TESK2: variants seen among roughly 807,000 people sequenced by gnomAD.
The protein encoded by TESK2 is dual specificity testis-specific protein kinase 2.
TESK2 carries 39 observed loss-of-function variants against 57.1 expected under a neutral mutation model. The ratio of observed to expected loss-of-function variants is 0.68; its 90% confidence interval spans 0.53 to 0.89. The LOEUF (loss-of-function observed/expected upper bound fraction) is 0.89. Ranked by LOEUF, TESK2 falls within the 40% of genes least tolerant of loss-of-function variation. TESK2 has a pLI of 0.00. For missense variants in TESK2, 646 were observed against 732.1 expected (o/e 0.88, Z 1.36); for synonymous variants, 249 against 267.9 (o/e 0.93, Z 0.69).
intron 4 of TESK2, among the ~76,000 whole-genome samples, chr1:45,355,978 A>G (rs1647404648): frequency 6.6e-6 from 1 of 152,220 alleles, no homozygotes; most frequent in Admixed American, 6.5e-5. Context: ...TCCTGTCTAT[A>G]GGAAACAAAA....
intron 3 of TESK2, among the ~76,000 whole-genome samples, chr1:45,403,140 T>A (rs1280232393): frequency 1.0e-4 from 15 of 148,022 alleles, no homozygotes; most frequent in Non-Finnish European, 1.9e-4. Context: ...AAAAATTAGC[T>A]GGGTGTGGGG....
At chr1:45,393,738 C>CAAAA (rs34270037) in intron 3 of TESK2, among the ~76,000 whole-genome samples, 7 of 88,412 alleles carry the variant, frequency 7.9e-5, no homozygotes, top group Admixed American at 3.4e-4. Context: ...GACTCCGTCT[C>CAAAA]AAAAAAAAAA....
chr1:45,457,966 C>T, intron 1 of TESK2, 95 bp from the exon 2 acceptor site: 2 of 573,988 alleles, frequency 3.5e-6, no homozygotes, highest in Middle Eastern at 4.7e-4. Context: ...CTTTCACATT[C>T]TAGTTCCTGG....
intron 4 of TESK2, among the ~76,000 whole-genome samples, chr1:45,356,566 G>GT (rs977162347): frequency 3.9e-4 from 57 of 147,252 alleles, no homozygotes; most frequent in African/African-American, 1.4e-3. Flanking sequence ...AGTGAGCTAA[G>GT]ATCATGCCAA....
intron 2 of TESK2, among the ~76,000 whole-genome samples, chr1:45,438,317 GA>G (rs1252203935): frequency 6.6e-6 from 1 of 152,078 alleles, no homozygotes; most frequent in Non-Finnish European, 1.5e-5. Context: ...CCAACATGGT[GA>G]AACCCCATCT....
intron 6 of TESK2, 98 bp downstream of exon 6, chr1:45,347,820 G>T: frequency 1.4e-6 from 2 of 1,431,348 alleles, no homozygotes; most frequent in Non-Finnish European, 2.0e-6. Context: ...CTGAGGTTGA[G>T]CTGTGACCAA....
chr1:45,403,661 A>C (rs963228374), intron 3 of TESK2, among the ~76,000 whole-genome samples: 1 of 152,188 alleles, frequency 6.6e-6, no homozygotes, highest in Non-Finnish European at 1.5e-5. Flanking sequence ...GTCCAATTTT[A>C]CTTTTTTGGG....
intron 4 of TESK2, among the ~76,000 whole-genome samples, chr1:45,371,173 C>T (rs1648162686): frequency 6.6e-6 from 1 of 151,488 alleles, no homozygotes; most frequent in Admixed American, 6.6e-5. Flanking sequence ...AATGGTGCAA[C>T]TGCTACAGAA....
At chr1:45,437,807 C>G (rs1462041603) in intron 2 of TESK2, among the ~76,000 whole-genome samples, 1 of 152,132 alleles carries the variant, frequency 6.6e-6, no homozygotes, top group South Asian at 2.1e-4. Flanking sequence ...GTTACCTTAA[C>G]TCTGACTACC....
At chr1:45,419,791 A>G (rs569515520) in intron 3 of TESK2, among the ~76,000 whole-genome samples, 1 of 152,258 alleles carries the variant, frequency 6.6e-6, no homozygotes, top group South Asian at 2.1e-4. Flanking sequence ...GGGCGACAAG[A>G]GTGAAACTCC....
chr1:45,398,532 G>A (rs1649454802), intron 3 of TESK2, among the ~76,000 whole-genome samples: 2 of 152,060 alleles, frequency 1.3e-5, no homozygotes, highest in Non-Finnish European at 2.9e-5. Flanking sequence ...GGGTGACAGA[G>A]CAAGCCTCCG....
chr1:45,343,914 G>A lies in TESK2; in HGVS notation c.*926C>T. Reference sequence around the variant, plus strand: ...TAACACTGACTTTATTTTTAAGTCTGAAAATGTCTTGGGAAAGTTTTACAA... The same window carrying A: ...TAACACTGACTTTATTTTTAAGTCTAAAAATGTCTTGGGAAAGTTTTACAA... On this transcript the variant is annotated 3_prime_UTR_variant, in exon 11 of 11. Transcript: ENST00000372086. This position sits in a 1 kb window ranked among gnomAD's most constrained non-coding sequence, Gnocchi z 4.3. 2.2e-6 allele frequency: 1 copy of A among 444,468 alleles called. No individual in the cohort carries two copies. The highest frequency in any genetic ancestry group is 3.8e-5 in the Admixed American group (1 of 26,068). The allele number at this position is 444,468 out of a possible 1,614,324, so 27.5% of individuals were successfully genotyped here.
chr1:45,398,140 C>T (rs1414574683), intron 3 of TESK2, among the ~76,000 whole-genome samples: 1 of 152,124 alleles, frequency 6.6e-6, no homozygotes, highest in Non-Finnish European at 1.5e-5. Flanking sequence ...AACTCCTGGC[C>T]TCAAGCAATT....
chr1:45,450,757 A>C (rs569184728), intron 2 of TESK2, among the ~76,000 whole-genome samples: 3 of 147,586 alleles, frequency 2.0e-5, no homozygotes, highest in East Asian at 1.9e-4. Context: ...TTATTTATTT[A>C]TTTCTTTTTC....
intron 4 of TESK2, among the ~76,000 whole-genome samples, chr1:45,355,841 T>C (rs1647396026): frequency 6.6e-6 from 1 of 152,144 alleles, no homozygotes; most frequent in African/African-American, 2.4e-5. Context: ...GGGAGCAGCA[T>C]ATGCAAAGTT....
At chr1:45,458,629 C>T (rs980386288) in intron 1 of TESK2, among the ~76,000 whole-genome samples, 1 of 151,552 alleles carries the variant, frequency 6.6e-6, no homozygotes, top group African/African-American at 2.4e-5. Context: ...TTCTTTCTAC[C>T]AATCAATACC....
chr1:45,391,095 T>TTAA (rs1649119525), intron 3 of TESK2, among the ~76,000 whole-genome samples: 1 of 151,968 alleles, frequency 6.6e-6, no homozygotes, highest in Admixed American at 6.6e-5. Flanking sequence ...TTTTTGTATT[T>TTAA]TTAGTAGAGA....
chr1:45,427,068 C>T (rs1220434084), intron 2 of TESK2, among the ~76,000 whole-genome samples: 1 of 151,946 alleles, frequency 6.6e-6, no homozygotes, highest in Non-Finnish European at 1.5e-5. Context: ...CATGGTAAAA[C>T]CCCGTCTCCA....
At chr1:45,385,851 T>A in intron 4 of TESK2, 61 bp downstream of exon 4, 1 of 1,270,014 alleles carries the variant, frequency 7.9e-7, no homozygotes, top group Non-Finnish European at 1.1e-6. Context: ...ACACTTACTA[T>A]GGAACTATAA....
Sources: allele counts gnomAD v4.1 joint callset (sites outside exome capture counted in the v4.1 genomes callset), GRCh38; gene constraint gnomAD v4.1.1; non-coding constraint Gnocchi (gnomAD v3.1); transcripts MANE v1.5; gene names NCBI Gene and HGNC (gene_info 2026-07-23, HGNC 2026-07-21).